Variants in PTPN18 observed in about 807,000 individuals in gnomAD.
PTPN18 encodes tyrosine-protein phosphatase non-receptor type 18.
Under a neutral mutation model 65.4 loss-of-function variants are expected in PTPN18, and 65 were observed. The observed-to-expected ratio is 0.99, with a 90% CI of 0.81 to 1.22. The LOEUF is 1.22. PTPN18 is among the 50% of genes most tolerant of loss of function. The pLI, the probability that PTPN18 is intolerant of heterozygous loss-of-function variation, is 0.00. For missense variants in PTPN18, 616 were observed against 646.5 expected, an observed-to-expected ratio of 0.95 and a Z score of 0.51; for synonymous variants, 255 against 267.8, an observed-to-expected ratio of 0.95 and a Z score of 0.47.
intron 5 of PTPN18, among the ~76,000 whole-genome samples, chr2:130,365,151 G>A (rs183851550): frequency 1.8e-4 from 28 of 152,146 alleles, no homozygotes; most frequent in African/African-American, 6.0e-4. Flanking sequence ...CCATTACTGA[G>A]TATCAATCAT....
rs1332929784 is a variant in PTPN18, at chr2:130,359,656, C to T, written c.414+10C>T. 1 of 1,613,608 alleles carries T rather than the reference C, an allele frequency of 6.2e-7. No individual in the cohort carries two copies. The highest frequency in any genetic ancestry group is 2.2e-5 in the East Asian group (1 of 44,872). ...GATAGAGAATGGGCGGGTAGGTGCC[C>T]TCTGCCCCCAGGTTTCATGTCCTTG... On this transcript the variant is annotated intron_variant, in intron 5 of 14. Coordinates refer to ENST00000175756, the MANE Select transcript of PTPN18 (RefSeq NM_014369.4).
At chr2:130,361,520 T>TTCTTTCTTTCTTTCTTTCTTTCTTTC (rs1680198020) in intron 5 of PTPN18, among the ~76,000 whole-genome samples, 5 of 51,538 alleles carry the variant, frequency 9.7e-5, no homozygotes, top group Admixed American at 7.6e-4. Flanking sequence ...TTCTCTTTCT[T>TTCTTTCTTTCTTTCTTTCTTTCTTTC]TCTTTCTTTC....
chr2:130,371,246 G>A lies in PTPN18; in HGVS notation c.972G>A (p.Gln324=). The A allele has an allele frequency of 6.2e-7, 1 of 1,610,498 alleles. No individual in the cohort carries two copies. Among genetic ancestry groups the A allele is most frequent in the Non-Finnish European group, 8.5e-7 (1 of 1,178,950 alleles). ...ATGCCCTCTTCCTCCGGACTCCCCA[G>A]GCACTTCTCGCCATACCCCGCCCAC... ...YDDALFLRTP[Q]ALLAIPRPPG... The change falls in exon 12 of 15, where the codon CAG becomes CAA. Residue 324 remains glutamine, a synonymous_variant. Coordinates refer to ENST00000175756, the MANE Select transcript of PTPN18 (RefSeq NM_014369.4).
At chr2:130,363,491 C>G (rs1680290880) in intron 5 of PTPN18, among the ~76,000 whole-genome samples, 1 of 152,100 alleles carries the variant, frequency 6.6e-6, no homozygotes, top group Non-Finnish European at 1.5e-5. Flanking sequence ...TTAGCAGTCA[C>G]TCCCCATTTC....
intron 5 of PTPN18, among the ~76,000 whole-genome samples, chr2:130,367,582 G>A (rs1038959594): frequency 5.9e-5 from 9 of 152,160 alleles, no homozygotes; most frequent in African/African-American, 2.2e-4. Context: ...CCTGAGGCAG[G>A]AGAATCGCTT....
At position 130,371,208 on chromosome 2, in the gene PTPN18, C is replaced by A. The variant is rs1680553128; in HGVS notation, c.934C>A (p.Pro312Thr). 2.5e-6 allele frequency: 4 copies of A among 1,608,790 alleles called. No homozygotes were observed. The highest frequency in any genetic ancestry group is 3.4e-6 in the Non-Finnish European group (4 of 1,176,680). ...HYQNIKENCA[P>T]LYDDALFLRT... ...TCCTGTTTTTCTTCAGAATTGTGCCCCACTCTACGACGATGCCCTCTTCCT... is the reference window on the plus strand; with the variant it reads ...TCCTGTTTTTCTTCAGAATTGTGCCACACTCTACGACGATGCCCTCTTCCT... Residue 312 changes from proline to threonine, a missense_variant, in exon 12 of 15, where the codon CCA becomes ACA. Physicochemically the swap from Pro to Thr is conservative, Grantham distance 38 (BLOSUM62 -1). Around this residue, in one of 3 missense-constraint regions of PTPN18, gnomAD observed 368 missense variants for 386.7 expected, o/e 0.95. Transcript: ENST00000175756.
intron 5 of PTPN18, among the ~76,000 whole-genome samples, chr2:130,361,516 T>TTCTTTCTTTCTTTCTTTCTTTCTTTC (rs1680195580): frequency 5.4e-5 from 1 of 18,628 alleles, no homozygotes; most frequent in African/African-American, 1.2e-4. Flanking sequence ...TTCTTTCTCT[T>TTCTTTCTTTCTTTCTTTCTTTCTTTC]TCTTTCTTTC....
chr2:130,374,571 A>C lies in PTPN18; in HGVS notation c.*1347A>C, dbSNP rs1275966613. 2.1e-6 allele frequency: 1 copy of C among 469,052 alleles called. No homozygotes were observed. Among genetic ancestry groups the C allele is most frequent in the African/African-American group, 2.0e-5 (1 of 50,032 alleles). 29.1% of individuals were successfully genotyped at this position (469,052 alleles called of 1,614,324 possible). On this transcript the variant is annotated 3_prime_UTR_variant, in exon 15 of 15. Coordinates refer to ENST00000175756, the MANE Select transcript of PTPN18 (RefSeq NM_014369.4). The stretch of plus-strand genomic sequence containing the variant: ...ATAAAAGGAGGACACGTCTCTGTGC[A>C]CTGGTGTGGACAAATCTCCAAGTCA...
Position 130,373,114 on chromosome 2 carries a change from C to T in PTPN18, c.1316-43C>T, listed in dbSNP as rs777853123. On this transcript the variant is annotated intron_variant, in intron 14 of 14. Coordinates refer to ENST00000175756, the MANE Select transcript of PTPN18 (RefSeq NM_014369.4). This position sits in a 1 kb window ranked among gnomAD's most constrained non-coding sequence, Gnocchi z 4.1. ...CTTCATGTCTGCCAGCTTCCACACACCTCAGCTTCTCCATGAGACCCACGG... is the reference window on the plus strand; with the variant it reads ...CTTCATGTCTGCCAGCTTCCACACATCTCAGCTTCTCCATGAGACCCACGG... The T allele has an allele frequency of 1.3e-6, 2 of 1,556,156 alleles. No individual in the cohort carries two copies. The highest frequency in any genetic ancestry group is 1.2e-5 in the South Asian group (1 of 82,982).
chr2:130,370,677 G>A (rs948973533), intron 9 of PTPN18, 28 bp from the exon 10 acceptor site: 3 of 1,613,998 alleles, frequency 1.9e-6, no homozygotes, highest in Non-Finnish European at 2.5e-6. Flanking sequence ...CACGTGTCCT[G>A]CTCAAGTGCC....
chr2:130,373,015 A>G lies in PTPN18; in HGVS notation c.1315+68A>G, dbSNP rs116130225. Reference sequence around the variant, plus strand: ...GAGTGAACCCAGGAGTCTGGGGTTGATGGGGCATGGAGCTTAGTCCTGTGG... The same window carrying G: ...GAGTGAACCCAGGAGTCTGGGGTTGGTGGGGCATGGAGCTTAGTCCTGTGG... On this transcript the variant is annotated intron_variant, in intron 14 of 14. Transcript: ENST00000175756. The surrounding 1 kb of genome is among the most constrained non-coding windows in gnomAD (Gnocchi z 4.1). 38,302 of 1,594,360 alleles carry G rather than the reference A, an allele frequency of 0.024. 596 individuals are homozygous for G. Among genetic ancestry groups the G allele is most frequent in the Non-Finnish European group, 0.029 (34,275 of 1,162,816 alleles).
rs368372181 is a variant in PTPN18, at chr2:130,371,294, G to A, written c.1013+7G>A. On this transcript the variant is annotated splice_region_variant and intron_variant, in intron 12 of 14. Coordinates refer to ENST00000175756, the MANE Select transcript of PTPN18 (RefSeq NM_014369.4). ...CACCAGGAGGGGTCCTCAGGTACCC[G>A]GCTCCATCCCCGGATTCTTCCCTGC... The A allele has an allele frequency of 1.1e-3, 1,708 of 1,572,416 alleles. 1 individual carries two copies. The highest frequency in any genetic ancestry group is 1.3e-3 in the Non-Finnish European group (1,501 of 1,149,766).
intron 5 of PTPN18, among the ~76,000 whole-genome samples, chr2:130,367,337 C>G (rs1680418211): frequency 6.6e-6 from 1 of 151,960 alleles, no homozygotes; most frequent in Non-Finnish European, 1.5e-5. Flanking sequence ...AACTTTGTTC[C>G]TCAGTATGTG....
At position 130,373,254 on chromosome 2, in the gene PTPN18, T is replaced by G. The variant is rs537155136; in HGVS notation, c.*30T>G. The G allele has an allele frequency of 1.3e-6, 2 of 1,545,994 alleles. No individual in the cohort carries two copies. Among genetic ancestry groups the G allele is most frequent in the Non-Finnish European group, 1.7e-6 (2 of 1,147,670 alleles). On this transcript the variant is annotated 3_prime_UTR_variant, in exon 15 of 15. Transcript: ENST00000175756. This position sits in a 1 kb window ranked among gnomAD's most constrained non-coding sequence, Gnocchi z 4.1. ...AACGCCAGTTCCTGCCTGTTGCCTC[T>G]TGTGAGCTCGGACTGCTGATGCCCC...
chr2:130,359,731 C>A, intron 5 of PTPN18, 85 bp downstream of exon 5: 1 of 1,496,056 alleles, frequency 6.7e-7, no homozygotes, highest in Non-Finnish European at 9.3e-7. Context: ...CCCCAGGACC[C>A]GAGGGTCCAG....
intron 1 of PTPN18, among the ~76,000 whole-genome samples, chr2:130,358,368 A>G (rs1343833024): frequency 6.6e-6 from 1 of 152,250 alleles, no homozygotes; most frequent in Non-Finnish European, 1.5e-5. Context: ...TCTTGTACAT[A>G]ATATGTTATC....
intron 5 of PTPN18, among the ~76,000 whole-genome samples, chr2:130,361,557 T>TCTTTCTTTCTTTCTTTCTTTCTTTCTTTC (rs1553458555): frequency 3.8e-5 from 3 of 78,506 alleles, no homozygotes; most frequent in East Asian, 3.8e-4. Flanking sequence ...TTTCTTTCTT[T>TCTTTCTTTCTTTCTTTCTTTCTTTCTTTC]CTTTCTTTCC....
chr2:130,361,532 T>TTCTTTCTTTCTTTCTTTCTTTC (rs1558842150), intron 5 of PTPN18, among the ~76,000 whole-genome samples: 18 of 143,260 alleles, frequency 1.3e-4, no homozygotes, highest in African/African-American at 4.9e-4. Flanking sequence ...CTTTCTTTCT[T>TTCTTTCTTTCTTTCTTTCTTTC]TCTTTCTTTC....
chr2:130,371,255 C>G lies in PTPN18; in HGVS notation c.981C>G (p.Leu327=). The part of the protein sequence containing the change: ...ALFLRTPQAL[L]AIPRPPGGVL... ...TCCTCCGGACTCCCCAGGCACTTCT[C>G]GCCATACCCCGCCCACCAGGAGGGG... is the stretch of plus-strand genomic sequence containing the variant. The change falls in exon 12 of 15, where the codon CTC becomes CTG. Residue 327 remains leucine, a synonymous_variant. Transcript: ENST00000175756. 6.2e-7 allele frequency: 1 copy of G among 1,608,332 alleles called. No homozygotes were observed. Among genetic ancestry groups the G allele is most frequent in the Non-Finnish European group, 8.5e-7 (1 of 1,177,482 alleles).
Sources: gnomAD v4.1 joint callset for allele counts (sites outside exome capture counted in the v4.1 genomes callset) on GRCh38, gnomAD v4.1.1 for gene constraint, gnomAD v4.1.1 regional missense constraint, Gnocchi (gnomAD v3.1) non-coding constraint, MANE v1.5 for transcripts, NCBI Gene and HGNC (gene_info 2026-07-23, HGNC 2026-07-21) for gene names.